ZNF676: variants seen among roughly 807,000 people sequenced by gnomAD.
The protein encoded by ZNF676 is zinc finger protein 676.
In ZNF676, 4 loss-of-function variants were observed where a neutral mutation model predicts 6.0. The observed-to-expected ratio is 0.67, with a 90% confidence interval of 0.33 to 1.53. The LOEUF (loss-of-function observed/expected upper bound fraction) is 1.53. Among genes scored for constraint, ZNF676 ranks in the 40% most tolerant of loss-of-function variants. The pLI, the probability that ZNF676 is intolerant of heterozygous loss-of-function variation, is 0.06. For missense variants in ZNF676, 644 were observed against 679.7 expected (o/e 0.95, Z 0.58); for synonymous variants, 198 against 223.1 (o/e 0.89, Z 1.00).
At chr19:22,252,473 G>A in the ZNF676 span, among the ~76,000 whole-genome samples, 1 of 151,554 alleles carries the variant, frequency 6.6e-6, no homozygotes, top group East Asian at 1.9e-4. Context: ...CCTAGGCGCT[G>A]GGCCCAGAGA....
chr19:22,210,445 TC>T (rs2024117377), intron 1 of ZNF676, among the ~76,000 whole-genome samples: 1 of 151,898 alleles, frequency 6.6e-6, no homozygotes, highest in Non-Finnish European at 1.5e-5. Flanking sequence ...ATACAGCTAC[TC>T]ACAGAACTCA....
chr19:22,188,985 C>A lies in ZNF676; in HGVS notation c.130+4031G>T, dbSNP rs139123708. Among the ~76,000 whole-genome samples the A allele has an allele frequency of 4.1e-3, 618 of 151,622 alleles. 4 individuals carry two copies. Among genetic ancestry groups the A allele is most frequent in the African/African-American group, 0.014 (586 of 41,302 alleles). ...ATCAAGCTACCATTTACTTTCTTCA[C>A]AGAATTAGAAAAAACTACTTTAAAT... is the stretch of plus-strand genomic sequence containing the variant. On this transcript the variant is annotated intron_variant, in intron 2 of 2. Coordinates refer to ENST00000397121, the MANE Select transcript of ZNF676 (RefSeq NM_001001411.3).
the ZNF676 span, among the ~76,000 whole-genome samples, chr19:22,252,756 C>T: frequency 4.6e-5 from 7 of 152,288 alleles, no homozygotes; most frequent in East Asian, 1.9e-4. Flanking sequence ...AACCTAAGTG[C>T]GAGGAGCCAC....
At chr19:22,233,330 G>GTT in the ZNF676 span, among the ~76,000 whole-genome samples, 77 of 151,452 alleles carry the variant, frequency 5.1e-4, no homozygotes, top group African/African-American at 1.8e-3. Context: ...CTTTTTTAAG[G>GTT]TTTTTTTTCT....
intron 1 of ZNF676, among the ~76,000 whole-genome samples, chr19:22,210,965 T>C (rs3867183): frequency 2.0e-5 from 3 of 152,050 alleles, no homozygotes; most frequent in Admixed American, 6.6e-5. Context: ...TTCATTTAAA[T>C]ATTCCCCTCA....
chr19:22,253,397 ATAATGTGTATATATATATATGATAATG>A, the ZNF676 span, among the ~76,000 whole-genome samples: 6 of 40,298 alleles, frequency 1.5e-4, no homozygotes, highest in African/African-American at 2.3e-4. Context: ...TATATATATG[ATAATGTGTATATATATATATGATAATG>A]TATATATATA....
the ZNF676 span, among the ~76,000 whole-genome samples, chr19:22,246,748 T>TA: frequency 6.6e-6 from 1 of 152,138 alleles, no homozygotes; most frequent in African/African-American, 2.4e-5. Context: ...ACATCACCTG[T>TA]GTGTGAGGTC....
chr19:22,181,588 T>A lies in ZNF676; in HGVS notation c.131-2A>T, dbSNP rs781568256. The A allele has an allele frequency of 6.5e-7, 1 of 1,530,894 alleles. No homozygotes were observed. Among genetic ancestry groups the A allele is most frequent in the Non-Finnish European group, 8.7e-7 (1 of 1,144,452 alleles). The allele number at this position is 1,530,894 out of a possible 1,614,324, so 94.8% of individuals were successfully genotyped here. A position where few individuals can be genotyped will look rare whatever the true frequency, so the allele number is the denominator to read the frequency against. On this transcript the variant is annotated splice_acceptor_variant, in intron 2 of 2. Transcript: ENST00000397121. LOFTEE classifies it high-confidence loss of function. ...CTTGGGAAAAATGAGAACATATAAC[T>A]GAAAAGAAATAAAAATAACAAATTA... is the stretch of plus-strand genomic sequence containing the variant.
chr19:22,220,877 G>A, the ZNF676 span, among the ~76,000 whole-genome samples: 2 of 152,040 alleles, frequency 1.3e-5, no homozygotes, highest in Non-Finnish European at 2.9e-5. Context: ...AACTCCTCTA[G>A]GTTTTCAAGT....
chr19:22,207,927 T>C (rs1297213853), intron 1 of ZNF676, among the ~76,000 whole-genome samples: 1 of 142,546 alleles, frequency 7.0e-6, no homozygotes, highest in Admixed American at 7.1e-5. Context: ...TATAACACCA[T>C]ATAAAAAAAT....
chr19:22,202,489 G>C (rs967162301), intron 1 of ZNF676, among the ~76,000 whole-genome samples: 1 of 152,102 alleles, frequency 6.6e-6, no homozygotes, highest in Non-Finnish European at 1.5e-5. Context: ...GTAAAGCTTA[G>C]TTGGTACCCT....
the ZNF676 span, among the ~76,000 whole-genome samples, chr19:22,253,073 G>C: frequency 6.6e-6 from 1 of 152,104 alleles, no homozygotes; most frequent in African/African-American, 2.4e-5. Flanking sequence ...CCTACAGACT[G>C]TGTCCCTTTA....
At chr19:22,215,980 G>C (rs552085139), upstream of ZNF676, among the ~76,000 whole-genome samples, 1 of 152,166 alleles carries the variant, frequency 6.6e-6, no homozygotes, top group Non-Finnish European at 1.5e-5. Context: ...TCCCTGAGCT[G>C]AGCCAGGCCT....
At chr19:22,218,622 G>C (rs1020430040), upstream of ZNF676, among the ~76,000 whole-genome samples, 24 of 152,070 alleles carry the variant, frequency 1.6e-4, no homozygotes, top group African/African-American at 5.5e-4. Context: ...GGGATTACAG[G>C]TATAAGCCAC....
Position 22,196,822 on chromosome 19 carries a change from G to C in ZNF676, c.-189C>G. 1 of 1,135,658 alleles carries C rather than the reference G, an allele frequency of 8.8e-7. No individual in the cohort carries two copies. The highest frequency in any genetic ancestry group is 1.3e-6 in the Non-Finnish European group (1 of 780,782). The allele number at this position is 1,135,658 out of a possible 1,614,324, so 70.3% of individuals were successfully genotyped here. On this transcript the variant is annotated 5_prime_UTR_variant, in exon 1 of 3. Transcript: ENST00000397121. The stretch of plus-strand genomic sequence containing the variant: ...AAAATGGAGAGAGTAGAGAGAGCTG[G>C]TTCTGACTTATATGAATGACTGAAA...
At chr19:22,257,478 T>C in the ZNF676 span, among the ~76,000 whole-genome samples, 2 of 152,152 alleles carry the variant, frequency 1.3e-5, no homozygotes, top group Non-Finnish European at 2.9e-5. Flanking sequence ...ACTATTATTC[T>C]TTCTGGCAGG....
chr19:22,188,144 C>A (rs1461402396), intron 2 of ZNF676, among the ~76,000 whole-genome samples: 1 of 152,094 alleles, frequency 6.6e-6, no homozygotes, highest in Non-Finnish European at 1.5e-5. Context: ...TCCAGCAGCA[C>A]ATCAAAAAGC....
chr19:22,242,902 A>G, the ZNF676 span, among the ~76,000 whole-genome samples: 3 of 151,878 alleles, frequency 2.0e-5, no homozygotes, highest in Admixed American at 1.3e-4. Context: ...TAAACAATGC[A>G]TCACAGTTCC....
intron 1 of ZNF676, among the ~76,000 whole-genome samples, chr19:22,208,541 A>G (rs544541722): frequency 2.6e-4 from 39 of 152,328 alleles, no homozygotes; most frequent in Middle Eastern, 3.4e-3. Context: ...AAAAATATAT[A>G]AATTATTCTA....
Sources: allele counts gnomAD v4.1 joint callset (sites outside exome capture counted in the v4.1 genomes callset), GRCh38; gene constraint gnomAD v4.1.1; transcripts MANE v1.5; gene names NCBI Gene and HGNC (gene_info 2026-07-23, HGNC 2026-07-21).